DIP2C: variants seen among roughly 807,000 people sequenced by gnomAD.
DIP2C encodes the protein DIP2 acetate--CoA ligase C (putative), also known as disco-interacting protein 2 homolog C.
A neutral mutation model predicts 192.4 loss-of-function variants in DIP2C; 33 were observed. The observed-to-expected ratio is 0.17, with a 90% CI of 0.13 to 0.23. The LOEUF is 0.23. DIP2C is among the 10% of genes least tolerant of loss of function. The pLI is 1.00. For missense variants in DIP2C, 1,537 were observed against 2,110.1 expected (o/e 0.73, Z 5.32); for synonymous variants, 979 against 864.1 (o/e 1.13, Z -2.33).
At chr10:319,481 GCTT>G (rs1280829417) in intron 31 of DIP2C, among the ~76,000 whole-genome samples, 1 of 152,128 alleles carries the variant, frequency 6.6e-6, no homozygotes, top group African/African-American at 2.4e-5. Context: ...TTTCTTCCCT[GCTT>G]CTACTAGAAG....
chr10:469,100 C>T (rs771125656), intron 3 of DIP2C, among the ~76,000 whole-genome samples: 1 of 151,922 alleles, frequency 6.6e-6, no homozygotes, highest in African/African-American at 2.4e-5. Context: ...CGGATTCACC[C>T]TGGGAGCAGA....
intron 31 of DIP2C, among the ~76,000 whole-genome samples, chr10:313,027 G>A (rs1297195948): frequency 8.5e-5 from 13 of 152,152 alleles, no homozygotes; most frequent in South Asian, 2.1e-4. Context: ...CTGAAGCCAA[G>A]TAGGCCTAAG....
chr10:551,862 G>C (rs189918825), intron 1 of DIP2C, among the ~76,000 whole-genome samples: 6 of 152,190 alleles, frequency 3.9e-5, no homozygotes, highest in African/African-American at 1.4e-4. Context: ...CCCCTAGGCC[G>C]CTCAATGTCA....
intron 24 of DIP2C, 54 bp from the exon 25 acceptor site, chr10:349,508 G>A (rs1958688429): frequency 1.9e-6 from 3 of 1,572,528 alleles, no homozygotes; most frequent in Admixed American, 1.7e-5. Flanking sequence ...AGAGCAGCTT[G>A]CAGAGAGCGC....
chr10:285,457 C>T (rs1391640577), intron 34 of DIP2C, among the ~76,000 whole-genome samples: 5 of 152,198 alleles, frequency 3.3e-5, no homozygotes, highest in African/African-American at 4.8e-5. Context: ...CTTTGTCCAA[C>T]GGCACGGCAG....
chr10:587,324 T>C (rs1365422489), intron 1 of DIP2C, among the ~76,000 whole-genome samples: 2 of 152,180 alleles, frequency 1.3e-5, no homozygotes, highest in Non-Finnish European at 2.9e-5. Flanking sequence ...CCCTCTGCTC[T>C]CCAAGTTCCG....
rs35461394 is a variant in DIP2C, at chr10:384,271, CTTTTTTTTTTTTTTT to C, written c.1757-140_1757-126del. On this transcript the variant is annotated intron_variant, in intron 15 of 36. Transcript: ENST00000280886. Reference sequence around the variant, plus strand: ...CACTGGTCACCCAGCCCCCACAAACCTTTTTTTTTTTTTTTTTTTTTTTTTTTTGTGATCTTGGCT... The same window carrying C: ...CACTGGTCACCCAGCCCCCACAAACCTTTTTTTTTTTTTGTGATCTTGGCT... 15 of 301,934 alleles carry C rather than the reference CTTTTTTTTTTTTTTT, an allele frequency of 5.0e-5. 1 individual carries two copies. The highest frequency in any genetic ancestry group is 3.0e-4 in the East Asian group (2 of 6,758). 18.7% of individuals were successfully genotyped at this position (301,934 alleles called of 1,614,324 possible).
intron 1 of DIP2C, among the ~76,000 whole-genome samples, chr10:579,533 C>T (rs193239259): frequency 8.5e-5 from 13 of 152,108 alleles, no homozygotes; most frequent in Admixed American, 5.9e-4. Flanking sequence ...TACACACATC[C>T]AGATCCATAA....
chr10:554,040 G>A (rs918569937), intron 1 of DIP2C, among the ~76,000 whole-genome samples: 3 of 151,328 alleles, frequency 2.0e-5, no homozygotes, highest in Non-Finnish European at 4.4e-5. Flanking sequence ...GCTTGTAACT[G>A]TAAGAGTGGC....
chr10:281,487 T>C (rs568158400), intron 35 of DIP2C, among the ~76,000 whole-genome samples, 164 bp from the exon 36 acceptor site: 7 of 152,222 alleles, frequency 4.6e-5, no homozygotes, highest in Non-Finnish European at 8.8e-5. Context: ...ACGGAGCTCC[T>C]TGGCAAGTGC....
At chr10:603,323 AAAAAAAAAAAC>A (rs1410284131) in intron 1 of DIP2C, among the ~76,000 whole-genome samples, 13 of 136,864 alleles carry the variant, frequency 9.5e-5, no homozygotes, top group African/African-American at 3.3e-4. Context: ...AAAAAAAAAA[AAAAAAAAAAAC>A]CAACCATGAG....
intron 1 of DIP2C, among the ~76,000 whole-genome samples, chr10:580,237 A>T (rs1850527893): frequency 7.3e-6 from 1 of 136,766 alleles, no homozygotes; most frequent in African/African-American, 3.1e-5. Context: ...GTACACTAAC[A>T]TATACATGTG....
intron 1 of DIP2C, among the ~76,000 whole-genome samples, chr10:653,581 C>A (rs978494480): frequency 2.4e-4 from 37 of 152,352 alleles, no homozygotes; most frequent in African/African-American, 8.2e-4. Flanking sequence ...CTGCAAGTCT[C>A]AACCTTGATC....
chr10:585,537 T>A (rs1321472627), intron 1 of DIP2C, among the ~76,000 whole-genome samples: 1 of 152,204 alleles, frequency 6.6e-6, no homozygotes, highest in Non-Finnish European at 1.5e-5. Flanking sequence ...ACACACATCC[T>A]GAAGCTCCAA....
intron 8 of DIP2C, 58 bp from the exon 9 acceptor site, chr10:409,075 C>T (rs1828695217): frequency 1.3e-6 from 2 of 1,572,330 alleles, no homozygotes; most frequent in African/African-American, 1.4e-5. Flanking sequence ...AGCACAGCTT[C>T]TGCAAGTCAA....
chr10:641,090 G>C (rs972779669), intron 1 of DIP2C, among the ~76,000 whole-genome samples: 4 of 150,878 alleles, frequency 2.7e-5, no homozygotes, highest in Non-Finnish European at 4.4e-5. Context: ...CCTATACAAA[G>C]AAGTGGAAAA....
At position 636,800 on chromosome 10, in the gene DIP2C, T is replaced by C. The variant is rs1854867013; in HGVS notation, c.85+52694A>G. Among the ~76,000 whole-genome samples, 1 of 152,132 alleles carries C rather than the reference T, an allele frequency of 6.6e-6. No individual in the cohort carries two copies. On this transcript the variant is annotated intron_variant, in intron 1 of 36. Transcript: ENST00000280886. This position sits in a 1 kb window ranked among gnomAD's most constrained non-coding sequence, Gnocchi z 4.6. ...CTCAGGGCATCATTAAATTCCCTCT[T>C]ATGCACCTCAGTTCCCTGTAAACAG...
chr10:337,520 T>C (rs1007639158), intron 29 of DIP2C, among the ~76,000 whole-genome samples: 14 of 142,412 alleles, frequency 9.8e-5, no homozygotes, highest in South Asian at 2.4e-4. Context: ...TGTGTGTGTG[T>C]GCGTGCGTGT....
chr10:326,119 A>T (rs192740320), intron 31 of DIP2C, among the ~76,000 whole-genome samples: 1 of 152,200 alleles, frequency 6.6e-6, no homozygotes, highest in East Asian at 1.9e-4. Flanking sequence ...AGCGGGGGGC[A>T]GGGGGTTGAG....
Sources: allele counts gnomAD v4.1 joint callset (sites outside exome capture counted in the v4.1 genomes callset), GRCh38; gene constraint gnomAD v4.1.1; non-coding constraint Gnocchi (gnomAD v3.1); transcripts MANE v1.5; gene names NCBI Gene and HGNC (gene_info 2026-07-23, HGNC 2026-07-21).